PRKCH: variants seen among roughly 807,000 people sequenced by gnomAD.
PRKCH encodes the protein protein kinase C eta.
PRKCH carries 28 observed loss-of-function variants against 82.5 expected under a neutral mutation model. The observed-to-expected ratio is 0.34, with a 90% confidence interval of 0.25 to 0.47. PRKCH has a LOEUF of 0.47. Among genes scored for constraint, PRKCH ranks in the 20% least tolerant of loss-of-function variants. The probability of loss-of-function intolerance (pLI) is 1.00; values close to 1 mark genes in which losing one functional copy is unlikely to be tolerated. For missense variants in PRKCH, 705 were observed against 881.8 expected (o/e 0.80, Z 2.54); for synonymous variants, 322 against 327.4 (o/e 0.98, Z 0.18).
At chr14:61,423,095 C>A (rs936305447) in intron 2 of PRKCH, among the ~76,000 whole-genome samples, 1 of 152,128 alleles carries the variant, frequency 6.6e-6, no homozygotes, top group East Asian at 1.9e-4. Context: ...TAGGTGATTC[C>A]GAGGCAAGGC....
At chr14:61,209,175 C>A (rs969790026) in intron 1 of PRKCH, among the ~76,000 whole-genome samples, 1 of 152,118 alleles carries the variant, frequency 6.6e-6, no homozygotes, top group African/African-American at 2.4e-5. Context: ...AAGGCCCTTG[C>A]CAGATACCGG....
intron 1 of PRKCH, among the ~76,000 whole-genome samples, chr14:61,352,013 G>GC (rs1458074138): frequency 3.3e-5 from 5 of 152,088 alleles, no homozygotes; most frequent in African/African-American, 1.2e-4. Context: ...AACCTGGGTG[G>GC]CCCTCACCAT....
At chr14:61,480,195 A>G (rs1418885263) in intron 9 of PRKCH, among the ~76,000 whole-genome samples, 3 of 152,226 alleles carry the variant, frequency 2.0e-5, no homozygotes, top group African/African-American at 7.2e-5. Context: ...AAATACAGAA[A>G]CAGTCATCTT....
At chr14:61,527,367 C>T (rs935923971) in intron 10 of PRKCH, among the ~76,000 whole-genome samples, 1 of 152,216 alleles carries the variant, frequency 6.6e-6, no homozygotes, top group Admixed American at 6.5e-5. Flanking sequence ...CACAAACCTA[C>T]TGGATTTAAG....
At chr14:61,411,678 G>C (rs8010298) in intron 2 of PRKCH, among the ~76,000 whole-genome samples, 127,626 of 152,080 alleles carry the variant, frequency 0.84, 55,390 homozygotes, top group East Asian at 0.98. Context: ...CAGACTCCCT[G>C]AGTTGAGGAT....
chr14:61,493,310 G>T (rs567508308), intron 10 of PRKCH, among the ~76,000 whole-genome samples: 34 of 152,300 alleles, frequency 2.2e-4, no homozygotes, highest in African/African-American at 7.7e-4. Context: ...TGTAGACAGG[G>T]TCACGTCCTT....
intron 10 of PRKCH, among the ~76,000 whole-genome samples, chr14:61,500,102 C>A (rs1188759929): frequency 1.3e-5 from 2 of 150,734 alleles, no homozygotes; most frequent in Non-Finnish European, 2.9e-5. Flanking sequence ...ATCCGGTTGA[C>A]TTGTCACGTT....
Position 61,447,252 on chromosome 14 carries a change from A to AT in PRKCH, c.613+1531dup, listed in dbSNP as rs1488431462. On this transcript the variant is annotated intron_variant, in intron 4 of 13. Coordinates refer to ENST00000332981, the MANE Select transcript of PRKCH (RefSeq NM_006255.5). ...AAGACCAGTGTAGTAGTACATAACA[A>AT]TTTTTAACATGTATGTATGTACCTA... Among the ~76,000 whole-genome samples the AT allele has an allele frequency of 6.6e-5, 10 of 152,360 alleles. No homozygotes were observed. In the South Asian group the frequency reaches 1.9e-3, roughly 28 times the overall value.
rs184954371 is a variant in PRKCH, at chr14:61,375,031, T to C, written c.364-16194T>C. ...CCATCCCTTTCTTCACTCATATGAGTGTACACTTTGAGAAACAGCCAGGCC... is the reference window on the plus strand; with the variant it reads ...CCATCCCTTTCTTCACTCATATGAGCGTACACTTTGAGAAACAGCCAGGCC... On this transcript the variant is annotated intron_variant, in intron 1 of 13. Transcript: ENST00000332981. 5.3e-5 allele frequency among the ~76,000 whole-genome samples: 8 copies of C among 152,170 alleles called. No homozygotes were observed. The East Asian group carries it at 1.5e-3, about 29-fold the overall frequency.
At position 61,549,699 on chromosome 14, in the gene PRKCH, T is replaced by A; in HGVS notation, c.1920T>A (p.Asp640Glu). Reference sequence around the variant, plus strand: ...TTTTTTGGCAGAAATCCCGAGAAGATGTCAGTAATTTTGACCCTGACTTCA... The same window carrying A: ...TTTTTTGGCAGAAATCCCGAGAAGAAGTCAGTAATTTTGACCCTGACTTCA... The part of the protein sequence containing the change: ...PFRPRIKSRE[D>E]VSNFDPDFIK... Residue 640 changes from aspartate (D) to glutamate (E), a missense_variant, in exon 14 of 14, where the codon GAT (aspartate) becomes GAA (glutamate). Coordinates refer to ENST00000332981, the MANE Select transcript of PRKCH (RefSeq NM_006255.5). 1 of 1,611,930 alleles carries A rather than the reference T, an allele frequency of 6.2e-7. No individual in the cohort carries two copies. The highest frequency in any genetic ancestry group is 8.5e-7 in the Non-Finnish European group (1 of 1,179,632).
intron 1 of PRKCH, among the ~76,000 whole-genome samples, chr14:61,283,003 C>G (rs2045285279): frequency 6.6e-6 from 1 of 151,742 alleles, no homozygotes; most frequent in Non-Finnish European, 1.5e-5. Context: ...AAACTCGTCT[C>G]TAGGAAGGAA....
rs939004554 is a variant in PRKCH at position 61,530,460 on chromosome 14, G to A, written c.1626G>A (p.Val542=). Residue 542 remains valine, a synonymous_variant, in exon 12 of 14, where the codon GTG becomes GTA. Transcript: ENST00000332981. Reference sequence around the variant, plus strand: ...CAGTAGACTGGTGGGCAATGGGCGTGTTGCTCTATGAGATGCTCTGTGGTC... The same window carrying A: ...CAGTAGACTGGTGGGCAATGGGCGTATTGCTCTATGAGATGCTCTGTGGTC... ...GPAVDWWAMG[V]LLYEMLCGHA... 6.2e-7 allele frequency: 1 copy of A among 1,610,728 alleles called. No individual in the cohort carries two copies. The highest frequency in any genetic ancestry group is 1.1e-5 in the South Asian group (1 of 89,974).
At chr14:61,412,325 A>G (rs1478712626) in intron 2 of PRKCH, among the ~76,000 whole-genome samples, 1 of 152,226 alleles carries the variant, frequency 6.6e-6, no homozygotes, top group Non-Finnish European at 1.5e-5. Flanking sequence ...CTTTAAAAAG[A>G]CAAGTAGAAA....
intron 10 of PRKCH, chr14:61,492,447 C>T (rs1886487635): frequency 6.6e-6 from 1 of 152,176 alleles, no homozygotes; most frequent in Non-Finnish European, 1.5e-5. Context: ...TGTGAAACGT[C>T]CAAAAATTGT....
intron 1 of PRKCH, among the ~76,000 whole-genome samples, chr14:61,349,361 A>C (rs1277222090): frequency 6.6e-6 from 1 of 152,148 alleles, no homozygotes; most frequent in African/African-American, 2.4e-5. Flanking sequence ...AGTCCTGTTG[A>C]GGTAGATATT....
At chr14:61,479,540 GTA>G (rs1431051649) in intron 9 of PRKCH, among the ~76,000 whole-genome samples, 1 of 152,164 alleles carries the variant, frequency 6.6e-6, no homozygotes, top group African/African-American at 2.4e-5. Context: ...TCCTTAGTTA[GTA>G]TCATCTTGTC....
At chr14:61,230,156 C>T (rs887576429) in intron 1 of PRKCH, among the ~76,000 whole-genome samples, 6 of 152,180 alleles carry the variant, frequency 3.9e-5, no homozygotes, top group African/African-American at 1.4e-4. Context: ...AGGCCTTTCT[C>T]CCACACCCAC....
chr14:61,435,533 A>C (rs1368311870), intron 2 of PRKCH, among the ~76,000 whole-genome samples: 1 of 152,158 alleles, frequency 6.6e-6, no homozygotes, highest in East Asian at 1.9e-4. Flanking sequence ...ACTTAGAAAT[A>C]AGTTTATTAG....
At chr14:61,438,186 C>T (rs1883769268) in intron 2 of PRKCH, among the ~76,000 whole-genome samples, 1 of 152,142 alleles carries the variant, frequency 6.6e-6, no homozygotes, top group African/African-American at 2.4e-5. Flanking sequence ...CTGCACACCC[C>T]AGGCTCCAGA....
Sources: allele counts gnomAD v4.1 joint callset (sites outside exome capture counted in the v4.1 genomes callset), GRCh38; gene constraint gnomAD v4.1.1; transcripts MANE v1.5; gene names NCBI Gene and HGNC (gene_info 2026-07-23, HGNC 2026-07-21).